The following PRSS1 variants were observed in gnomAD, a reference collection of about 807,000 sequenced individuals.
The protein encoded by PRSS1 is serine protease 1.
PRSS1 carries 22 observed loss-of-function variants against 24.2 expected under a neutral mutation model. The observed-to-expected ratio is 0.91, with a 90% confidence interval of 0.65 to 1.30. The LOEUF is 1.30. PRSS1 is among the 50% of genes most tolerant of loss of function. The pLI, the probability that PRSS1 is intolerant of heterozygous loss-of-function variation, is 0.00. For missense variants in PRSS1, 366 were observed against 304.2 expected (o/e 1.20, Z -1.51); for synonymous variants, 126 against 116.1 (o/e 1.08, Z -0.55).
chr7:142,752,758 A>G (rs1392351741), intron 4 of PRSS1, 110 bp from the exon 5 acceptor site: 2 of 1,506,870 alleles, frequency 1.3e-6, no homozygotes, highest in East Asian at 2.3e-5. Context: ...CACCATGAGA[A>G]GGACATGGAG....
intron 2 of PRSS1, chr7:142,750,967 G>T (rs753066493): frequency 1.1e-5 from 8 of 731,758 alleles, no homozygotes; most frequent in Non-Finnish European, 2.0e-5. Flanking sequence ...GGTGGTGAGA[G>T]CTAGTGAGAA....
chr7:142,750,332 G>A (rs1301239312), intron 1 of PRSS1, among the ~76,000 whole-genome samples: 1 of 152,166 alleles, frequency 6.6e-6, no homozygotes, highest in Non-Finnish European at 1.5e-5. Flanking sequence ...GTGACCCCAG[G>A]AGAGCTCGGA....
At position 142,751,839 on chromosome 7, in the gene PRSS1, A is replaced by T. The variant is rs1446407497; in HGVS notation, c.266A>T (p.Asn89Ile). Residue 89 changes from asparagine to isoleucine, a missense_variant, in exon 3 of 5, where the codon AAT becomes ATT. Physicochemically the swap from Asn to Ile is moderately radical, Grantham distance 149. Transcript: ENST00000311737. Reference protein sequence around the residue: ...EVLEGNEQFINAAKIIRHPQY... With the variant: ...EVLEGNEQFIIAAKIIRHPQY... ...CTGGAGGGGAATGAGCAGTTCATCA[A>T]TGCAGCCAAGATCATCCGCCACCCC... The T allele has an allele frequency of 1.2e-6, 2 of 1,613,936 alleles. No homozygotes were observed. Among genetic ancestry groups the T allele is most frequent in the Non-Finnish European group, 1.7e-6 (2 of 1,180,008 alleles).
chr7:142,751,433 G>A (rs1486443590), intron 2 of PRSS1: 4 of 576,094 alleles, frequency 6.9e-6, no homozygotes, highest in South Asian at 4.1e-5. Flanking sequence ...GGCCTGGGGT[G>A]AAGAACGCTG....
Position 142,751,915 on chromosome 7 carries a change from C to T in PRSS1, c.342C>T (p.Ser114=), listed in dbSNP as rs776924834. ...ATGACATCATGTTAATCAAGCTCTC[C>T]TCACGTGCAGTAATCAACGCCCGCG... The part of the protein sequence containing the change: ...LNNDIMLIKL[S]SRAVINARVS... The change falls in exon 3 of 5, where the codon TCC becomes TCT. Residue 114 remains serine, a synonymous_variant. Transcript: ENST00000311737. 1.9e-5 allele frequency: 31 copies of T among 1,614,088 alleles called. No homozygotes were observed. Among genetic ancestry groups the T allele is most frequent in the Non-Finnish European group, 2.6e-5 (31 of 1,180,022 alleles).
Position 142,750,617 on chromosome 7 carries a change from G to C in PRSS1, c.103G>C (p.Val35Leu), listed in dbSNP as rs1286351441. Residue 35 changes from valine to leucine, a missense_variant, in exon 2 of 5, where the codon GTC becomes CTC. Val to Leu is a conservative substitution (Grantham distance 32). Coordinates refer to ENST00000311737, the MANE Select transcript of PRSS1 (RefSeq NM_002769.5). Reference sequence around the variant, plus strand: ...GGGCTACAACTGTGAGGAGAATTCTGTCCCCTACCAGGTGTCCCTGAATTC... The same window carrying C: ...GGGCTACAACTGTGAGGAGAATTCTCTCCCCTACCAGGTGTCCCTGAATTC... Reference protein sequence around the residue: ...VGGYNCEENSVPYQVSLNSGY... With the variant: ...VGGYNCEENSLPYQVSLNSGY... The C allele has an allele frequency of 1.2e-6, 2 of 1,614,024 alleles. No individual in the cohort carries two copies. Among genetic ancestry groups the C allele is most frequent in the East Asian group, 2.2e-5 (1 of 44,888 alleles).
Position 142,752,896 on chromosome 7 carries a change from A to G in PRSS1, c.620A>G (p.Asn207Ser). Residue 207 changes from asparagine to serine, a missense_variant, in exon 5 of 5, where the codon AAT (asparagine) becomes AGT (serine). By Grantham distance (46) the Asn-to-Ser change is conservative. Transcript: ENST00000311737. ...GATTCTGGTGGCCCTGTGGTCTGCA[A>G]TGGACAGCTCCAAGGAGTTGTCTCC... ...QGDSGGPVVC[N>S]GQLQGVVSWG... 6.2e-7 allele frequency: 1 copy of G among 1,614,142 alleles called. No individual in the cohort carries two copies. The highest frequency in any genetic ancestry group is 1.7e-5 in the Admixed American group (1 of 60,022).
chr7:142,752,927 T>A lies in PRSS1; in HGVS notation c.651T>A (p.Gly217=), dbSNP rs562372415. 2 of 1,514,456 alleles carry A rather than the reference T, an allele frequency of 1.3e-6. No homozygotes were observed. 93.8% of individuals were successfully genotyped at this position (1,514,456 alleles called of 1,614,324 possible). The part of the protein sequence containing the change: ...NGQLQGVVSW[G]DGCAQKNKPG... ...AGCTCCAAGGAGTTGTCTCCTGGGG[T>A]GATGGCTGTGCCCAGAAGAACAAGC... The change falls in exon 5 of 5, where the codon GGT becomes GGA. Residue 217 remains glycine, a synonymous_variant. Transcript: ENST00000311737.
Sources: allele counts gnomAD v4.1 joint callset (sites outside exome capture counted in the v4.1 genomes callset), GRCh38; gene constraint gnomAD v4.1.1; transcripts MANE v1.5; gene names NCBI Gene and HGNC (gene_info 2026-07-23, HGNC 2026-07-21).